CLEC2A: variants seen among roughly 807,000 people sequenced by gnomAD.
CLEC2A encodes keratinocyte-associated C-type lectin.
A neutral mutation model predicts 18.6 loss-of-function variants in CLEC2A; 19 were observed. The observed-to-expected ratio is 1.02, with a 90% CI of 0.71 to 1.50. The LOEUF (loss-of-function observed/expected upper bound fraction) is 1.50, where lower values mean the gene tolerates loss of function less well. CLEC2A is among the 40% of genes most tolerant of loss of function. CLEC2A has a pLI of 0.00. For synonymous variants in CLEC2A, 74 were observed against 64.0 expected (o/e 1.16, Z -0.75); for missense variants, 190 against 207.9 (o/e 0.91, Z 0.53).
At chr12:9,925,238 C>T (rs562819876) in intron 2 of CLEC2A, among the ~76,000 whole-genome samples, 9 of 152,244 alleles carry the variant, frequency 5.9e-5, no homozygotes, top group African/African-American at 1.4e-4. Context: ...TTCTCAGGCC[C>T]GCAGAAAAAC....
chr12:9,897,512 C>T (rs967064418), downstream of CLEC2A, among the ~76,000 whole-genome samples: 1 of 150,504 alleles, frequency 6.6e-6, no homozygotes, highest in African/African-American at 2.4e-5. Flanking sequence ...CACGTGGACA[C>T]ATTGAAAAGT....
At chr12:9,931,010 A>G (rs1313169282) in intron 1 of CLEC2A, among the ~76,000 whole-genome samples, 1 of 152,032 alleles carries the variant, frequency 6.6e-6, no homozygotes, top group East Asian at 1.9e-4. Context: ...TTTCATTAAT[A>G]TCTTTTCTTT....
intron 2 of CLEC2A, among the ~76,000 whole-genome samples, chr12:9,925,322 G>A (rs1037823821): frequency 6.6e-6 from 1 of 152,162 alleles, no homozygotes; most frequent in African/African-American, 2.4e-5. Flanking sequence ...CAAACTATTA[G>A]TGACATAACT....
At chr12:9,889,827 G>T in the CLEC2A span, among the ~76,000 whole-genome samples, 1 of 152,024 alleles carries the variant, frequency 6.6e-6, no homozygotes, top group Non-Finnish European at 1.5e-5. Context: ...TAGAGTTTCA[G>T]TTCTGATATT....
the CLEC2A span, among the ~76,000 whole-genome samples, chr12:9,886,074 A>C: frequency 6.6e-6 from 1 of 152,184 alleles, no homozygotes; most frequent in African/African-American, 2.4e-5. Flanking sequence ...TGACATAAAT[A>C]ATGCAATAAT....
At chr12:9,918,539 C>T (rs1476788694) in intron 3 of CLEC2A, among the ~76,000 whole-genome samples, 1 of 152,124 alleles carries the variant, frequency 6.6e-6, no homozygotes, top group African/African-American at 2.4e-5. Flanking sequence ...ACATGATGCT[C>T]CTAGCTTTAT....
At chr12:9,926,461 A>C in intron 1 of CLEC2A, 118 bp from the exon 2 acceptor site, 2 of 656,268 alleles carry the variant, frequency 3.0e-6, no homozygotes, top group Non-Finnish European at 5.4e-6. Context: ...AAGTACATAC[A>C]TCTCAAAATA....
chr12:9,895,703 G>T (rs777326238), downstream of CLEC2A: 11 of 1,532,890 alleles, frequency 7.2e-6, no homozygotes, highest in Non-Finnish European at 9.6e-6. Context: ...TCAGTGATTG[G>T]ACCAACTGAT....
chr12:9,920,387 C>G (rs935197057), intron 3 of CLEC2A, among the ~76,000 whole-genome samples: 1 of 152,072 alleles, frequency 6.6e-6, no homozygotes, highest in Non-Finnish European at 1.5e-5. Flanking sequence ...ACTGAAGGCC[C>G]CGGTGGAGTT....
chr12:9,911,519 T>C (rs1862987028), downstream of CLEC2A, among the ~76,000 whole-genome samples: 1 of 152,198 alleles, frequency 6.6e-6, no homozygotes, highest in African/African-American at 2.4e-5. Flanking sequence ...CCTTAAAACA[T>C]TTAGCAAACC....
downstream of CLEC2A, among the ~76,000 whole-genome samples, chr12:9,895,150 T>C (rs1334846722): frequency 2.6e-5 from 4 of 152,200 alleles, no homozygotes; most frequent in Non-Finnish European, 5.9e-5. Context: ...TTAAACAAAA[T>C]CTTGGGCGAC....
At chr12:9,893,722 G>A (rs1419395184), downstream of CLEC2A, among the ~76,000 whole-genome samples, 1 of 133,326 alleles carries the variant, frequency 7.5e-6, no homozygotes, top group Non-Finnish European at 1.6e-5. Context: ...TTTTTTCTTT[G>A]CTTCCTCTCT....
At chr12:9,905,646 G>A (rs986120035) in intron 4 of CLEC2A, among the ~76,000 whole-genome samples, 1 of 152,094 alleles carries the variant, frequency 6.6e-6, no homozygotes, top group East Asian at 1.9e-4. Context: ...GTGGTTCTTC[G>A]GAGTCTGGTT....
chr12:9,883,844 AT>A, the CLEC2A span, among the ~76,000 whole-genome samples: 2 of 152,232 alleles, frequency 1.3e-5, no homozygotes, highest in African/African-American at 2.4e-5. Flanking sequence ...GAAGTAAAGC[AT>A]CCACACAGAA....
chr12:9,902,682 C>G (rs1862850291), intron 4 of CLEC2A, among the ~76,000 whole-genome samples: 1 of 151,544 alleles, frequency 6.6e-6, no homozygotes, highest in Non-Finnish European at 1.5e-5. Flanking sequence ...CTCAGTGCCA[C>G]AAAGAAGAAC....
At chr12:9,879,618 C>A in the CLEC2A span, among the ~76,000 whole-genome samples, 2 of 152,210 alleles carry the variant, frequency 1.3e-5, no homozygotes, top group Non-Finnish European at 2.9e-5. Flanking sequence ...GGAACTAAAT[C>A]ATCTTGATAT....
At chr12:9,882,290 A>G in the CLEC2A span, among the ~76,000 whole-genome samples, 1 of 152,188 alleles carries the variant, frequency 6.6e-6, no homozygotes, top group African/African-American at 2.4e-5. Flanking sequence ...TGTATTGAAC[A>G]TTCTCGTGTA....
At chr12:9,881,381 G>A in the CLEC2A span, 1 of 468,608 alleles carries the variant, frequency 2.1e-6, no homozygotes, top group East Asian at 3.4e-5. Flanking sequence ...TCACAGAATT[G>A]TAGCCAGATA....
chr12:9,895,560 C>A, downstream of CLEC2A: 2 of 778,166 alleles, frequency 2.6e-6, no homozygotes, highest in Non-Finnish European at 1.9e-6. Context: ...AATGAAAATT[C>A]CATTCTAAAA....
Sources: allele counts gnomAD v4.1 joint callset (sites outside exome capture counted in the v4.1 genomes callset), GRCh38; gene constraint gnomAD v4.1.1; transcripts MANE v1.5; gene names NCBI Gene and HGNC (gene_info 2026-07-23, HGNC 2026-07-21).